The following GPHN variants were observed in gnomAD, a reference collection of about 807,000 sequenced individuals.
GPHN encodes the protein gephyrin.
GPHN carries 17 observed loss-of-function variants against 95.5 expected under a neutral mutation model. That is an observed-to-expected ratio of 0.18 (90% CI 0.12 to 0.27). The LOEUF is 0.27. Among genes scored for constraint, GPHN ranks in the 10% least tolerant of loss-of-function variants. The pLI, the probability that GPHN is intolerant of heterozygous loss-of-function variation, is 1.00. For synonymous variants in GPHN, 320 were observed against 322.5 expected, an observed-to-expected ratio of 0.99 and a Z score of 0.08; for missense variants, 660 against 978.1, an observed-to-expected ratio of 0.67 and a Z score of 4.34.
At chr14:67,003,947 G>A (rs550411267) in intron 9 of GPHN, among the ~76,000 whole-genome samples, 1 of 72,542 alleles carries the variant, frequency 1.4e-5, no homozygotes, top group East Asian at 6.7e-4. Context: ...GGTCTGTGTC[G>A]ATTTAATCAG....
At chr14:66,985,998 C>G (rs982726877) in intron 9 of GPHN, among the ~76,000 whole-genome samples, 1 of 152,120 alleles carries the variant, frequency 6.6e-6, no homozygotes, top group Non-Finnish European at 1.5e-5. Flanking sequence ...TGCCTCATTA[C>G]AGGTGCCTAT....
the GPHN span, chr14:67,542,083 C>A: frequency 5.7e-6 from 7 of 1,222,106 alleles, no homozygotes; most frequent in Admixed American, 1.5e-4. Flanking sequence ...TGCGGAAAGT[C>A]AACTTTCAGT....
At chr14:67,699,589 C>CAAAAAAA in the GPHN span, among the ~76,000 whole-genome samples, 119 of 50,336 alleles carry the variant, frequency 2.4e-3, no homozygotes, top group Non-Finnish European at 2.9e-3. Context: ...GACCCTATCT[C>CAAAAAAA]AAAAAAAAAA....
the GPHN span, among the ~76,000 whole-genome samples, chr14:67,227,915 A>T: frequency 6.6e-6 from 1 of 152,338 alleles, no homozygotes; most frequent in Non-Finnish European, 1.5e-5. Flanking sequence ...CACGCCTATA[A>T]TCCCAGCACT....
In GPHN at chr14:66,916,831, C is replaced by G. The variant is rs144399451; in HGVS notation, c.456+762C>G. 2.5e-3 allele frequency among the ~76,000 whole-genome samples: 386 copies of G among 152,314 alleles called. 1 individual carries two copies. Among genetic ancestry groups the G allele is most frequent in the Non-Finnish European group, 4.4e-3 (299 of 68,018 alleles). ...AATTCTTTGCTGTACAAGCTACCCC[C>G]TGGCCTTTGGCCAAGGCTTTTTTTA... is the stretch of plus-strand genomic sequence containing the variant. On this transcript the variant is annotated intron_variant, in intron 6 of 22. Transcript: ENST00000478722.
chr14:67,597,743 G>A, the GPHN span, among the ~76,000 whole-genome samples: 1 of 143,104 alleles, frequency 7.0e-6, no homozygotes, highest in South Asian at 2.3e-4. Context: ...CTGACTATAA[G>A]TGCCAAAAGA....
At chr14:67,151,736 C>T (rs148631859) in intron 18 of GPHN, among the ~76,000 whole-genome samples, 143 of 152,268 alleles carry the variant, frequency 9.4e-4, no homozygotes, top group African/African-American at 3.1e-3. Flanking sequence ...CTCCACCTCC[C>T]GGGTTCAAGC....
chr14:67,553,177 T>C, the GPHN span, among the ~76,000 whole-genome samples: 1 of 152,222 alleles, frequency 6.6e-6, no homozygotes, highest in African/African-American at 2.4e-5. Flanking sequence ...ATGTCACAAA[T>C]ATGAATTATC....
At chr14:66,961,411 A>G (rs1437865740) in intron 8 of GPHN, among the ~76,000 whole-genome samples, 2 of 152,002 alleles carry the variant, frequency 1.3e-5, no homozygotes, top group African/African-American at 4.8e-5. Flanking sequence ...ATATTGATAT[A>G]TTTAGCAACA....
At chr14:66,665,728 G>C (rs2065912791) in intron 1 of GPHN, among the ~76,000 whole-genome samples, 1 of 152,172 alleles carries the variant, frequency 6.6e-6, no homozygotes. Flanking sequence ...AATACCATGT[G>C]ACCCAGCCAT....
At chr14:67,107,201 T>A (rs578177624) in intron 13 of GPHN, among the ~76,000 whole-genome samples, 1 of 152,302 alleles carries the variant, frequency 6.6e-6, no homozygotes, top group South Asian at 2.1e-4. Context: ...CTTCTTGTTT[T>A]CCACACAATA....
At chr14:66,600,262 T>C (rs1199451654) in intron 1 of GPHN, among the ~76,000 whole-genome samples, 1 of 152,122 alleles carries the variant, frequency 6.6e-6, no homozygotes, top group African/African-American at 2.4e-5. Flanking sequence ...TTATTTTTAT[T>C]TTATTCAGGC....
the GPHN span, among the ~76,000 whole-genome samples, chr14:67,371,527 A>T: frequency 6.6e-6 from 1 of 152,218 alleles, no homozygotes; most frequent in Admixed American, 6.5e-5. Flanking sequence ...CAAATTTCAT[A>T]GAGTGTGCTG....
the GPHN span, among the ~76,000 whole-genome samples, chr14:67,689,027 T>C: frequency 2.6e-5 from 4 of 152,208 alleles, no homozygotes; most frequent in Admixed American, 6.5e-5. Context: ...TCCTCACAAC[T>C]ATCAGAGTCA....
At chr14:67,391,569 C>T in the GPHN span, among the ~76,000 whole-genome samples, 3 of 152,216 alleles carry the variant, frequency 2.0e-5, no homozygotes, top group South Asian at 2.1e-4. Flanking sequence ...GCACATGCTC[C>T]GAGTAACGAT....
Position 66,690,539 on chromosome 14 carries a change from G to A in GPHN, c.143+9354G>A, listed in dbSNP as rs184047026. Among the ~76,000 whole-genome samples, 5 of 152,100 alleles carry A rather than the reference G, an allele frequency of 3.3e-5. No homozygotes were observed. In the East Asian group the frequency reaches 7.7e-4, roughly 23 times the overall value. On this transcript the variant is annotated intron_variant, in intron 2 of 22. Transcript: ENST00000478722. ...TGATATTTTCTCTAAAGGTTTGTTA[G>A]GTTCATTTGGTCTGAAGAACAGTTT...
At chr14:67,103,753 G>A (rs940874471) in intron 13 of GPHN, among the ~76,000 whole-genome samples, 1 of 151,742 alleles carries the variant, frequency 6.6e-6, no homozygotes, top group Non-Finnish European at 1.5e-5. Context: ...ATATTTATCA[G>A]TTGTAAGAGT....
the GPHN span, among the ~76,000 whole-genome samples, chr14:67,418,546 G>A: frequency 3.9e-5 from 6 of 152,270 alleles, no homozygotes; most frequent in East Asian, 1.2e-3. Context: ...CCATTGCTTG[G>A]TGCCACAAGC....
At chr14:67,188,659 A>G in the GPHN span, among the ~76,000 whole-genome samples, 2 of 152,200 alleles carry the variant, frequency 1.3e-5, no homozygotes, top group Non-Finnish European at 2.9e-5. Flanking sequence ...AGACAATAAC[A>G]GGGGAACCAC....
Sources: allele counts gnomAD v4.1 joint callset (sites outside exome capture counted in the v4.1 genomes callset), GRCh38; gene constraint gnomAD v4.1.1; transcripts MANE v1.5; gene names NCBI Gene and HGNC (gene_info 2026-07-23, HGNC 2026-07-21).